UPF2: variants seen among roughly 807,000 people sequenced by gnomAD.
The protein encoded by UPF2 is UPF2 regulator of nonsense mediated mRNA decay.
UPF2 carries 17 observed loss-of-function variants against 141.4 expected under a neutral mutation model. The ratio of observed to expected loss-of-function variants is 0.12; its 90% CI spans 0.08 to 0.18. UPF2 has a LOEUF of 0.18. Among genes scored for constraint, UPF2 ranks in the 10% least tolerant of loss-of-function variants. The pLI is 1.00. For missense variants in UPF2, 1,152 were observed against 1,515.9 expected, an observed-to-expected ratio of 0.76 and a Z score of 3.99; for synonymous variants, 540 against 498.0, an observed-to-expected ratio of 1.08 and a Z score of -1.12.
intron 8 of UPF2, among the ~76,000 whole-genome samples, chr10:11,991,023 C>G (rs910745012): frequency 6.8e-6 from 1 of 146,824 alleles, no homozygotes; most frequent in Non-Finnish European, 1.5e-5. Context: ...CTGTTAATAA[C>G]AAAGCTGAGC....
chr10:11,974,151 T>C (rs978158546), intron 9 of UPF2, among the ~76,000 whole-genome samples: 1 of 152,108 alleles, frequency 6.6e-6, no homozygotes, highest in East Asian at 1.9e-4. Flanking sequence ...CAATTATGAA[T>C]GGGAGTTCAC....
At position 11,930,000 on chromosome 10, in the gene UPF2, A is replaced by C; in HGVS notation, c.3689-15T>G. On this transcript the variant is annotated splice_polypyrimidine_tract_variant and intron_variant, in intron 20 of 21. Transcript: ENST00000357604. ...CTGCAACATTTCTGTAATTAGGAGC[A>C]AAAAAAGAGAATGCTGTTAACTCTT... The C allele has an allele frequency of 6.2e-7, 1 of 1,613,716 alleles. No individual in the cohort carries two copies. Among genetic ancestry groups the C allele is most frequent in the Non-Finnish European group, 8.5e-7 (1 of 1,179,728 alleles).
intron 6 of UPF2, 53 bp downstream of exon 6, chr10:12,001,623 G>C: frequency 6.7e-7 from 1 of 1,499,666 alleles, no homozygotes; most frequent in East Asian, 2.3e-5. Flanking sequence ...TTAGGCAAGA[G>C]CTCTGTGTGT....
At position 11,936,269 on chromosome 10, in the gene UPF2, C is replaced by A. The variant is rs911200647; in HGVS notation, c.3546+276G>T. 7.2e-5 allele frequency among the ~76,000 whole-genome samples: 11 copies of A among 151,972 alleles called. No individual in the cohort carries two copies. The highest frequency in any genetic ancestry group is 2.0e-4 in the Admixed American group (3 of 15,256). On this transcript the variant is annotated intron_variant, in intron 19 of 21. Coordinates refer to ENST00000357604, the MANE Select transcript of UPF2 (RefSeq NM_015542.4). This position sits in a 1 kb window ranked among gnomAD's most constrained non-coding sequence, Gnocchi z 6.6. ...CCTGTAATCCCAGCTACTCAGGAGG[C>A]TGAGGCAGAAGAATCGTTTGAACCT...
rs1834221312 is a variant in UPF2 at position 12,016,440 on chromosome 10, A to C, written c.1146-2256T>G. ...GCTGGGCGCGGTGGCTCACGCCTGTAATCCCAGAACTTTGGAAGGCCGAGG... is the reference window on the plus strand; with the variant it reads ...GCTGGGCGCGGTGGCTCACGCCTGTCATCCCAGAACTTTGGAAGGCCGAGG... On this transcript the variant is annotated intron_variant, in intron 3 of 21. Transcript: ENST00000357604. The surrounding 1 kb of genome is among the most constrained non-coding windows in gnomAD (Gnocchi z 4.1). 6.6e-6 allele frequency among the ~76,000 whole-genome samples: 1 copy of C among 152,188 alleles called. No individual in the cohort carries two copies. The highest frequency in any genetic ancestry group is 6.5e-5 in the Admixed American group (1 of 15,284).
chr10:11,922,221 G>A (rs1223112593), intron 21 of UPF2, among the ~76,000 whole-genome samples: 2 of 152,286 alleles, frequency 1.3e-5, no homozygotes, highest in South Asian at 2.1e-4. Context: ...TCCTGCCGGC[G>A]GCCTCCAGTG....
rs77165579 is a variant in UPF2 at position 11,963,493 on chromosome 10, C to T, written c.2184+516G>A. 7.8e-3 allele frequency among the ~76,000 whole-genome samples: 1,192 copies of T among 152,278 alleles called. 7 individuals are homozygous for T. The highest frequency in any genetic ancestry group is 0.013 in the Non-Finnish European group (912 of 68,030). ...TTGGGACTACAGGAAAGCATCACCA[C>T]GCCTGGCTAGTTCTAAAATGTGTTT... On this transcript the variant is annotated intron_variant, in intron 11 of 21. Coordinates refer to ENST00000357604, the MANE Select transcript of UPF2 (RefSeq NM_015542.4).
chr10:11,974,617 C>T (rs1401631461), intron 9 of UPF2, among the ~76,000 whole-genome samples: 1 of 152,160 alleles, frequency 6.6e-6, no homozygotes, highest in East Asian at 1.9e-4. Context: ...AAGGCCTTTT[C>T]TGCATCTATT....
chr10:12,034,246 T>A (rs1005175861), intron 2 of UPF2, among the ~76,000 whole-genome samples: 1 of 152,232 alleles, frequency 6.6e-6, no homozygotes, highest in Non-Finnish European at 1.5e-5. Context: ...TCAACAAACA[T>A]CAGCCAACTG....
chr10:11,956,533 G>T lies in UPF2; in HGVS notation c.2371-10C>A. On this transcript the variant is annotated splice_polypyrimidine_tract_variant and intron_variant, in intron 12 of 21. Coordinates refer to ENST00000357604, the MANE Select transcript of UPF2 (RefSeq NM_015542.4). This position sits in a 1 kb window ranked among gnomAD's most constrained non-coding sequence, Gnocchi z 4.2. ...GCATCTGTCTCAAAACCTAAAAAAA[G>T]AGAATTTTGTTCAAATTATTAAGAT... The T allele has an allele frequency of 5.0e-6, 8 of 1,611,628 alleles. No individual in the cohort carries two copies. Among genetic ancestry groups the T allele is most frequent in the Non-Finnish European group, 6.8e-6 (8 of 1,179,538 alleles).
chr10:11,922,223 C>A (rs1393924365), intron 21 of UPF2, among the ~76,000 whole-genome samples: 2 of 152,154 alleles, frequency 1.3e-5, no homozygotes, highest in African/African-American at 2.4e-5. Flanking sequence ...CTGCCGGCGG[C>A]CTCCAGTGCT....
At chr10:12,038,624 G>A (rs1472323743) in intron 1 of UPF2, among the ~76,000 whole-genome samples, 3 of 151,708 alleles carry the variant, frequency 2.0e-5, no homozygotes, top group East Asian at 1.9e-4. Flanking sequence ...AGCTACTCGG[G>A]AGGCTGAAGC....
rs1833925292 is a variant in UPF2 at position 11,999,852 on chromosome 10, A to G, written c.1758+54T>C. The G allele has an allele frequency of 2.9e-6, 4 of 1,375,124 alleles. No individual in the cohort carries two copies. In the Admixed American group the frequency reaches 5.1e-5, roughly 18 times the overall value. 85.2% of individuals were successfully genotyped at this position (1,375,124 alleles called of 1,614,324 possible). A position where few individuals can be genotyped will look rare whatever the true frequency, so the allele number is the denominator to read the frequency against. On this transcript the variant is annotated intron_variant, in intron 7 of 21. Transcript: ENST00000357604. ...AAAAACCATAGACATTCCTTATCAG[A>G]GGACTCCTACAAGGTCCATGTGCTT...
chr10:11,986,740 G>A (rs540066098), intron 8 of UPF2, among the ~76,000 whole-genome samples: 72 of 152,282 alleles, frequency 4.7e-4, no homozygotes, highest in Non-Finnish European at 7.9e-4. Flanking sequence ...ACAACCAAAT[G>A]CCCTGTTGAC....
intron 19 of UPF2, among the ~76,000 whole-genome samples, chr10:11,933,424 G>A (rs999817247): frequency 6.6e-6 from 1 of 151,940 alleles, no homozygotes; most frequent in African/African-American, 2.4e-5. Flanking sequence ...TAATAACCAA[G>A]TACTCTGAGT....
chr10:11,949,718 T>C (rs865980695), intron 15 of UPF2, among the ~76,000 whole-genome samples: 2 of 152,208 alleles, frequency 1.3e-5, no homozygotes, highest in Non-Finnish European at 2.9e-5. Context: ...TTTAACCCTC[T>C]CATTTCATGA....
At chr10:11,978,669 T>G (rs1172471466) in intron 9 of UPF2, among the ~76,000 whole-genome samples, 1 of 152,182 alleles carries the variant, frequency 6.6e-6, no homozygotes, top group African/African-American at 2.4e-5. Flanking sequence ...GCCACACATT[T>G]GGACCCAAGC....
At chr10:11,974,730 A>G (rs1833478324) in intron 9 of UPF2, among the ~76,000 whole-genome samples, 1 of 152,192 alleles carries the variant, frequency 6.6e-6, no homozygotes, top group Admixed American at 6.5e-5. Context: ...GATGAAGCCC[A>G]CTTGATCATG....
chr10:11,950,785 A>G (rs1173444017), intron 15 of UPF2, among the ~76,000 whole-genome samples: 2 of 152,268 alleles, frequency 1.3e-5, no homozygotes, highest in African/African-American at 4.8e-5. Flanking sequence ...AAAGGAAAAG[A>G]AAGTAGGTAA....
Sources: allele counts gnomAD v4.1 joint callset (sites outside exome capture counted in the v4.1 genomes callset), GRCh38; gene constraint gnomAD v4.1.1; non-coding constraint Gnocchi (gnomAD v3.1); transcripts MANE v1.5; gene names NCBI Gene and HGNC (gene_info 2026-07-23, HGNC 2026-07-21).